TGFB2: variants seen among roughly 807,000 people sequenced by gnomAD.
The protein encoded by TGFB2 is transforming growth factor beta-2 proprotein.
A neutral mutation model predicts 42.7 loss-of-function variants in TGFB2; 13 were observed. The observed-to-expected ratio is 0.30, with a 90% confidence interval of 0.20 to 0.48. The LOEUF is 0.48. Among genes scored for constraint, TGFB2 ranks in the 20% least tolerant of loss-of-function variants. The probability of loss-of-function intolerance (pLI) is 0.99; values close to 1 mark genes in which losing one functional copy is unlikely to be tolerated. For missense variants in TGFB2, 390 were observed against 517.5 expected (o/e 0.75, Z 2.39); for synonymous variants, 193 against 193.6 (o/e 1.00, Z 0.03).
intron 2 of TGFB2, among the ~76,000 whole-genome samples, chr1:218,430,023 G>T (rs1377260658): frequency 1.3e-5 from 2 of 152,130 alleles, no homozygotes; most frequent in East Asian, 3.9e-4. Flanking sequence ...ATAAAACACA[G>T]AATTAATGGA....
intron 1 of TGFB2, among the ~76,000 whole-genome samples, chr1:218,356,367 C>G (rs1437542437): frequency 6.6e-6 from 1 of 151,988 alleles, no homozygotes; most frequent in Admixed American, 6.6e-5. Flanking sequence ...CAGGCATGCA[C>G]CACCATGCCT....
intron 1 of TGFB2, among the ~76,000 whole-genome samples, chr1:218,400,154 G>A (rs1256359659): frequency 2.6e-5 from 4 of 151,860 alleles, no homozygotes; most frequent in Admixed American, 6.6e-5. Context: ...ATGAGGCTTC[G>A]GCAGGGCTAG....
At chr1:218,422,421 A>G (rs1446217862) in intron 2 of TGFB2, among the ~76,000 whole-genome samples, 1 of 151,976 alleles carries the variant, frequency 6.6e-6, no homozygotes, top group Non-Finnish European at 1.5e-5. Flanking sequence ...AGGTCTCATT[A>G]TGTTGCTCAG....
chr1:218,426,107 A>G (rs1409448130), intron 2 of TGFB2, among the ~76,000 whole-genome samples: 2 of 152,206 alleles, frequency 1.3e-5, no homozygotes, highest in African/African-American at 4.8e-5. Flanking sequence ...CCTGGTGTCA[A>G]TTTTTCTCTA....
intron 1 of TGFB2, among the ~76,000 whole-genome samples, chr1:218,371,152 A>G (rs1257625866): frequency 6.6e-6 from 1 of 151,976 alleles, no homozygotes; most frequent in Non-Finnish European, 1.5e-5. Flanking sequence ...TACAAAAAAT[A>G]GCCGGGCCTA....
chr1:218,414,408 A>C (rs1256568833), intron 2 of TGFB2, among the ~76,000 whole-genome samples: 2 of 152,218 alleles, frequency 1.3e-5, no homozygotes, highest in Admixed American at 6.5e-5. Flanking sequence ...CCTGTTGTAC[A>C]TAATTTTACA....
At chr1:218,412,107 A>ACAGGT (rs941134327) in intron 2 of TGFB2, among the ~76,000 whole-genome samples, 4 of 152,176 alleles carry the variant, frequency 2.6e-5, no homozygotes, top group African/African-American at 7.2e-5. Flanking sequence ...TCAGCATCAT[A>ACAGGT]CCTGGTGCCA....
At chr1:218,367,379 T>C (rs1188776588) in intron 1 of TGFB2, among the ~76,000 whole-genome samples, 1 of 152,306 alleles carries the variant, frequency 6.6e-6, no homozygotes, top group African/African-American at 2.4e-5. Context: ...AACAGTGTTT[T>C]GTTCAACCAG....
intron 2 of TGFB2, among the ~76,000 whole-genome samples, chr1:218,413,321 C>A (rs1297065222): frequency 2.0e-5 from 3 of 150,524 alleles, no homozygotes; most frequent in African/African-American, 7.3e-5. Context: ...TGCAGTGAGC[C>A]GAGATCACAC....
chr1:218,384,132 A>G (rs1329220193), intron 1 of TGFB2, among the ~76,000 whole-genome samples: 1 of 152,244 alleles, frequency 6.6e-6, no homozygotes, highest in Non-Finnish European at 1.5e-5. Flanking sequence ...AGAAAAAAAA[A>G]AAGGAATTAA....
chr1:218,377,213 C>T (rs1657771252), intron 1 of TGFB2, among the ~76,000 whole-genome samples: 1 of 152,188 alleles, frequency 6.6e-6, no homozygotes, highest in Admixed American at 6.5e-5. Flanking sequence ...GAAGCAGTCC[C>T]TACCATGCCT....
chr1:218,404,733 C>A (rs1250911307), intron 1 of TGFB2, among the ~76,000 whole-genome samples: 1 of 152,060 alleles, frequency 6.6e-6, no homozygotes, highest in East Asian at 1.9e-4. Context: ...ATTTGGATGA[C>A]AAACTTTCAA....
At chr1:218,421,413 AG>A (rs1190003594) in intron 2 of TGFB2, among the ~76,000 whole-genome samples, 4 of 150,490 alleles carry the variant, frequency 2.7e-5, no homozygotes, top group Admixed American at 1.3e-4. Flanking sequence ...CCGATTGTTC[AG>A]GGGCTTATTT....
intron 2 of TGFB2, among the ~76,000 whole-genome samples, chr1:218,420,325 A>T (rs1308794399): frequency 2.0e-5 from 3 of 152,260 alleles, no homozygotes; most frequent in East Asian, 3.9e-4. Flanking sequence ...ATTGTACTGC[A>T]CCCCTCTCTC....
chr1:218,354,006 A>T (rs949743331), intron 1 of TGFB2, among the ~76,000 whole-genome samples: 2 of 152,202 alleles, frequency 1.3e-5, no homozygotes, highest in African/African-American at 2.4e-5. Flanking sequence ...CACTCTTACT[A>T]TACTGATGGT....
chr1:218,354,539 A>G (rs531855519), intron 1 of TGFB2, among the ~76,000 whole-genome samples: 1 of 152,324 alleles, frequency 6.6e-6, no homozygotes, highest in East Asian at 1.9e-4. Context: ...TAATACTCAC[A>G]AGCAATCCTA....
At chr1:218,399,017 G>A (rs1039635219) in intron 1 of TGFB2, among the ~76,000 whole-genome samples, 1 of 152,134 alleles carries the variant, frequency 6.6e-6, no homozygotes, top group African/African-American at 2.4e-5. Context: ...CAAGTAGGTG[G>A]GAGTTACAGG....
chr1:218,392,167 C>G lies in TGFB2; in HGVS notation c.347-13002C>G, dbSNP rs1478022534. Among the ~76,000 whole-genome samples, 3 of 152,172 alleles carry G rather than the reference C, an allele frequency of 2.0e-5. No individual in the cohort carries two copies. The South Asian group carries it at 6.2e-4, about 32-fold the overall frequency. ...GAGATCGAGACCATCCTGGCCAATACGTGAAACCCCATCTCTACTAAAAAA... is the reference window on the plus strand; with the variant it reads ...GAGATCGAGACCATCCTGGCCAATAGGTGAAACCCCATCTCTACTAAAAAA... On this transcript the variant is annotated intron_variant, in intron 1 of 6. Transcript: ENST00000366930.
At chr1:218,402,654 G>T (rs1433665380) in intron 1 of TGFB2, among the ~76,000 whole-genome samples, 1 of 152,226 alleles carries the variant, frequency 6.6e-6, no homozygotes, top group Non-Finnish European at 1.5e-5. Flanking sequence ...GTGTGTGAAA[G>T]ATGGGTGTTT....
Sources: allele counts gnomAD v4.1 joint callset (sites outside exome capture counted in the v4.1 genomes callset), GRCh38; gene constraint gnomAD v4.1.1; transcripts MANE v1.5; gene names NCBI Gene and HGNC (gene_info 2026-07-23, HGNC 2026-07-21).